NLRP12: variants seen among roughly 807,000 people sequenced by gnomAD.
The protein encoded by NLRP12 is NLR family pyrin domain containing 12.
A neutral mutation model predicts 91.2 loss-of-function variants in NLRP12; 108 were observed. The observed-to-expected ratio is 1.18, with a 90% confidence interval of 1.01 to 1.39. The LOEUF is 1.39. NLRP12 is among the 40% of genes most tolerant of loss of function. NLRP12 has a pLI of 0.00. For synonymous variants in NLRP12, 613 were observed against 566.7 expected (o/e 1.08, Z -1.16); for missense variants, 1,530 against 1,352.7 (o/e 1.13, Z -2.06).
chr19:53,814,877 A>G (rs2092132816), intron 2 of NLRP12, 31 bp downstream of exon 2: 1 of 1,576,776 alleles, frequency 6.3e-7, no homozygotes, highest in African/African-American at 1.3e-5. Context: ...TGTGTAGATG[A>G]ATACATGTAG....
chr19:53,803,185 CTTTTT>C (rs112504038), intron 6 of NLRP12, among the ~76,000 whole-genome samples: 11,663 of 147,168 alleles, frequency 0.079, 567 homozygotes, highest in African/African-American at 0.13. Flanking sequence ...ATCTCTGGAA[CTTTTT>C]TTTTTTTTGA....
Position 53,807,514 on chromosome 19 carries a change from A to C in NLRP12, c.2224T>G (p.Cys742Gly). ...LLCQGLRHPN[C>G]KLQNLRLKRC... is the part of the protein sequence containing the mutation. Reference sequence around the variant, plus strand: ...ACTCACCTCAGGTTCTGAAGTTTGCAGTTGGGGTGTCTGAGTCCTTGACAG... The same window carrying C: ...ACTCACCTCAGGTTCTGAAGTTTGCCGTTGGGGTGTCTGAGTCCTTGACAG... Residue 742 changes from cysteine (C) to glycine (G), a missense_variant, in exon 4 of 10, where the codon TGC (cysteine) becomes GGC (glycine). By Grantham distance (159) the Cys-to-Gly change is radical. Transcript: ENST00000324134. 1.9e-6 allele frequency: 3 copies of C among 1,614,050 alleles called. No individual in the cohort carries two copies. Among genetic ancestry groups the C allele is most frequent in the Non-Finnish European group, 2.5e-6 (3 of 1,179,976 alleles).
intron 1 of NLRP12, among the ~76,000 whole-genome samples, chr19:53,822,613 C>T (rs1237267177): frequency 6.6e-6 from 1 of 151,672 alleles, no homozygotes; most frequent in Non-Finnish European, 1.5e-5. Context: ...TGGCAGGTAC[C>T]TGTAATCTCA....
rs866055657 is a variant in NLRP12 at position 53,805,464 on chromosome 19, G to A, written c.2244-14C>T. The A allele has an allele frequency of 5.0e-6, 8 of 1,613,004 alleles. No individual in the cohort carries two copies. In the Middle Eastern group the frequency reaches 9.9e-4, roughly 199 times the overall value. Reference sequence around the variant, plus strand: ...CACCTCTTCAGCCTGGGGTGGAAAAGAGGAGAAAGGAGCTGGTCATTTCTT... The same window carrying A: ...CACCTCTTCAGCCTGGGGTGGAAAAAAGGAGAAAGGAGCTGGTCATTTCTT... On this transcript the variant is annotated splice_polypyrimidine_tract_variant and intron_variant, in intron 4 of 9. Transcript: ENST00000324134.
intron 2 of NLRP12, 56 bp downstream of exon 2, chr19:53,814,852 T>TG: frequency 1.4e-6 from 2 of 1,442,212 alleles, no homozygotes; most frequent in South Asian, 1.1e-5. Flanking sequence ...CTACACTCCG[T>TG]GGGGTCAGCT....
At chr19:53,800,836 G>A (rs567080087) in intron 7 of NLRP12, among the ~76,000 whole-genome samples, 115 of 151,950 alleles carry the variant, frequency 7.6e-4, no homozygotes, top group African/African-American at 2.5e-3. Flanking sequence ...CTCCCACCTC[G>A]GCCTCCCAAA....
chr19:53,810,472 G>A lies in NLRP12; in HGVS notation c.1187C>T (p.Pro396Leu). 2 of 1,614,164 alleles carry A rather than the reference G, an allele frequency of 1.2e-6. No homozygotes were observed. The highest frequency in any genetic ancestry group is 1.7e-6 in the Non-Finnish European group (2 of 1,180,038). ...QVFNYVRDNE[P>L]LFTMCFVPLV... ...GGGGACGAAGCACATGGTGAAGAGA[G>A]GCTCGTTGTCCCTCACGTAATTGAA... The change falls in exon 3 of 10, where the codon CCT (proline) becomes CTT (leucine). Residue 396 changes from proline (P) to leucine (L), a missense_variant. Physicochemically the swap from Pro to Leu is moderately conservative, Grantham distance 98 (BLOSUM62 -3). Transcript: ENST00000324134.
chr19:53,820,454 C>G (rs979983976), intron 1 of NLRP12, among the ~76,000 whole-genome samples: 3 of 151,136 alleles, frequency 2.0e-5, no homozygotes, highest in Non-Finnish European at 4.4e-5. Context: ...CACTGGAACC[C>G]GGGAGGCGGA....
At chr19:53,819,302 T>C (rs1056276811) in intron 1 of NLRP12, among the ~76,000 whole-genome samples, 8 of 150,478 alleles carry the variant, frequency 5.3e-5, no homozygotes, top group African/African-American at 1.9e-4. Context: ...TGGAGTGCAG[T>C]GGCGTGATCT....
At chr19:53,811,333 C>T (rs2092073049) in intron 2 of NLRP12, 45 bp from the exon 3 acceptor site, 2 of 1,604,860 alleles carry the variant, frequency 1.2e-6, no homozygotes, top group Non-Finnish European at 1.7e-6. Context: ...CATCAGCAGC[C>T]TCTAATGAGT....
intron 7 of NLRP12, among the ~76,000 whole-genome samples, chr19:53,799,500 T>G (rs2091831766): frequency 6.6e-6 from 1 of 151,804 alleles, no homozygotes; most frequent in Admixed American, 6.6e-5. Context: ...TTTTTTTTTT[T>G]TGAGATGGAA....
chr19:53,802,776 A>G (rs1264594522), intron 6 of NLRP12, among the ~76,000 whole-genome samples: 1 of 151,786 alleles, frequency 6.6e-6, no homozygotes, highest in Non-Finnish European at 1.5e-5. Context: ...AATTAAATTT[A>G]CTTTTTATTT....
At chr19:53,814,406 G>A (rs1456053678) in intron 2 of NLRP12, among the ~76,000 whole-genome samples, 1 of 152,060 alleles carries the variant, frequency 6.6e-6, no homozygotes, top group Admixed American at 6.6e-5. Flanking sequence ...AGGCTGGAGT[G>A]CAGTGGTGCA....
chr19:53,803,241 A>C (rs1386683872), intron 6 of NLRP12, among the ~76,000 whole-genome samples: 1 of 151,314 alleles, frequency 6.6e-6, no homozygotes, highest in Non-Finnish European at 1.5e-5. Context: ...GAGTGCAATG[A>C]CACAGTGTTG....
intron 4 of NLRP12, among the ~76,000 whole-genome samples, chr19:53,806,497 T>C (rs1568669874): frequency 6.6e-6 from 1 of 151,614 alleles, no homozygotes; most frequent in Middle Eastern, 3.4e-3. Flanking sequence ...CTGGCTAATA[T>C]GGTGAAACCC....
chr19:53,809,447 CTT>C (rs2092016578), intron 3 of NLRP12, 138 bp downstream of exon 3: 1 of 821,424 alleles, frequency 1.2e-6, no homozygotes, highest in Non-Finnish European at 1.8e-6. Context: ...AGGAGAATCT[CTT>C]GAACCCGGGA....
At chr19:53,811,712 A>T (rs550646815) in intron 2 of NLRP12, among the ~76,000 whole-genome samples, 1 of 151,266 alleles carries the variant, frequency 6.6e-6, no homozygotes, top group African/African-American at 2.4e-5. Context: ...GATTACAGGC[A>T]CATGCCACCA....
intron 6 of NLRP12, 149 bp from the exon 7 acceptor site, chr19:53,801,546 A>T: frequency 3.7e-6 from 4 of 1,083,362 alleles, no homozygotes; most frequent in Admixed American, 5.5e-5. Flanking sequence ...TCCACCTCCC[A>T]TGTTCAAGCG....
intron 1 of NLRP12, among the ~76,000 whole-genome samples, chr19:53,815,446 C>T (rs1257825967): frequency 6.6e-6 from 1 of 151,796 alleles, no homozygotes; most frequent in Non-Finnish European, 1.5e-5. Context: ...CCAGGCTGGT[C>T]TTGAACTCCT....
Sources: gnomAD v4.1 joint callset for allele counts (sites outside exome capture counted in the v4.1 genomes callset) on GRCh38, gnomAD v4.1.1 for gene constraint, MANE v1.5 for transcripts, NCBI Gene and HGNC (gene_info 2026-07-23, HGNC 2026-07-21) for gene names.